The following EFCAB14 variants were observed in gnomAD, a reference collection of about 807,000 sequenced individuals.
EFCAB14 encodes the protein EF-hand calcium binding domain 14.
In EFCAB14, 43 loss-of-function variants were observed where a neutral mutation model predicts 56.5. That is an observed-to-expected ratio of 0.76 (90% CI 0.60 to 0.98). The LOEUF (loss-of-function observed/expected upper bound fraction) is 0.98. EFCAB14 is among the 50% of genes least tolerant of loss of function. The pLI is 0.00. For missense variants in EFCAB14, 538 were observed against 580.3 expected, an observed-to-expected ratio of 0.93 and a Z score of 0.75; for synonymous variants, 235 against 212.9, an observed-to-expected ratio of 1.10 and a Z score of -0.90.
At chr1:46,709,457 T>C (rs1470131696) in intron 2 of EFCAB14, among the ~76,000 whole-genome samples, 1 of 152,176 alleles carries the variant, frequency 6.6e-6, no homozygotes, top group African/African-American at 2.4e-5. Context: ...GCACCTCTTT[T>C]CACTCCAAAT....
intron 8 of EFCAB14, 69 bp from the exon 9 acceptor site, chr1:46,684,671 C>T: frequency 1.6e-6 from 2 of 1,286,078 alleles, no homozygotes; most frequent in East Asian, 4.6e-5. Flanking sequence ...CCACTGTATT[C>T]CCAGAGCCTG....
chr1:46,692,587 G>C (rs114359986), intron 4 of EFCAB14, among the ~76,000 whole-genome samples: 227 of 152,244 alleles, frequency 1.5e-3, no homozygotes, highest in African/African-American at 5.3e-3. Flanking sequence ...CCCACCAGCA[G>C]GGAATGAGAG....
intron 4 of EFCAB14, among the ~76,000 whole-genome samples, chr1:46,692,677 A>T (rs1677011210): frequency 6.6e-6 from 1 of 152,142 alleles, no homozygotes; most frequent in South Asian, 2.1e-4. Context: ...ATTCTAATGG[A>T]AGTGTATATT....
chr1:46,711,905 CA>C (rs1184297129), intron 2 of EFCAB14, among the ~76,000 whole-genome samples: 2 of 152,186 alleles, frequency 1.3e-5, no homozygotes, highest in Non-Finnish European at 2.9e-5. Flanking sequence ...CTAGTATATA[CA>C]AAAGACCCTG....
At chr1:46,709,664 T>C (rs1677279709) in intron 2 of EFCAB14, among the ~76,000 whole-genome samples, 1 of 152,158 alleles carries the variant, frequency 6.6e-6, no homozygotes, top group Non-Finnish European at 1.5e-5. Flanking sequence ...GTTAATGTTA[T>C]ACTATTAAGT....
intron 6 of EFCAB14, among the ~76,000 whole-genome samples, chr1:46,688,972 A>G (rs536442173): frequency 1.3e-5 from 2 of 152,346 alleles, no homozygotes; most frequent in East Asian, 1.9e-4. Context: ...CAAGTAGTGC[A>G]TTGTTTAGTA....
chr1:46,716,227 C>G, intron 2 of EFCAB14, 68 bp downstream of exon 2: 1 of 1,443,962 alleles, frequency 6.9e-7, no homozygotes, highest in African/African-American at 1.6e-5. Flanking sequence ...CCAGCCTAGG[C>G]GACAGAGCAA....
intron 3 of EFCAB14, among the ~76,000 whole-genome samples, chr1:46,703,560 T>C (rs1417362595): frequency 6.6e-6 from 1 of 152,204 alleles, no homozygotes; most frequent in Non-Finnish European, 1.5e-5. Flanking sequence ...GAAGCCTATC[T>C]AACACATGTA....
At chr1:46,713,352 G>A (rs1213695591) in intron 2 of EFCAB14, among the ~76,000 whole-genome samples, 2 of 152,166 alleles carry the variant, frequency 1.3e-5, no homozygotes, top group Admixed American at 6.5e-5. Context: ...AGGGTCCCAG[G>A]GGAATGTGGC....
rs750218475 is a variant in EFCAB14, at chr1:46,716,342, A to AC, written c.286dup (p.Val96GlyfsTer20). ...GGCATCCAGATCCTCCTTGAGAGCA[A>AC]CCTGCATCCACACCAAGCCAACACA... is the stretch of plus-strand genomic sequence containing the variant. On this transcript the variant is annotated frameshift_variant, in exon 2 of 11. Transcript: ENST00000371933. LOFTEE classifies it high-confidence loss of function. The AC allele has an allele frequency of 3.7e-6, 6 of 1,613,302 alleles. No individual in the cohort carries two copies.
At chr1:46,695,064 A>C (rs1311787465) in intron 4 of EFCAB14, among the ~76,000 whole-genome samples, 9 of 117,354 alleles carry the variant, frequency 7.7e-5, no homozygotes, top group East Asian at 2.9e-4. Flanking sequence ...AACATCACAC[A>C]CCGGGGCCTG....
At chr1:46,707,358 C>T (rs1453031915) in intron 3 of EFCAB14, among the ~76,000 whole-genome samples, 2 of 152,140 alleles carry the variant, frequency 1.3e-5, no homozygotes, top group Admixed American at 6.5e-5. Flanking sequence ...CTGGCAGAGT[C>T]CCACTTCTGG....
intron 10 of EFCAB14, among the ~76,000 whole-genome samples, chr1:46,679,523 G>A (rs1328854624): frequency 6.8e-6 from 1 of 146,802 alleles, no homozygotes; most frequent in Non-Finnish European, 1.5e-5. Flanking sequence ...GGCTGGTCTT[G>A]AACTCCTGAC....
intron 3 of EFCAB14, 62 bp downstream of exon 3, chr1:46,707,844 T>C: frequency 6.5e-7 from 1 of 1,538,640 alleles, no homozygotes; most frequent in African/African-American, 1.4e-5. Flanking sequence ...CTATATCCTA[T>C]TCATACTAAA....
intron 4 of EFCAB14, among the ~76,000 whole-genome samples, chr1:46,693,606 T>C (rs931821414): frequency 2.6e-5 from 4 of 152,238 alleles, no homozygotes; most frequent in African/African-American, 7.2e-5. Context: ...CAAAGACACC[T>C]ACTGTTTGTG....
rs571942354 is a variant in EFCAB14, at chr1:46,708,233, T to A, written c.335-182A>T. Among the ~76,000 whole-genome samples, 39 of 152,340 alleles carry A rather than the reference T, an allele frequency of 2.6e-4. 2 individuals carry two copies. In the Middle Eastern group the frequency reaches 0.024, roughly 93 times the overall value. ...AGCTCCCATTTTAACTGGGGCTATT[T>A]CACTGCTGGCAATGCAACTTTTAAA... On this transcript the variant is annotated intron_variant, in intron 2 of 10. Transcript: ENST00000371933.
In EFCAB14 at chr1:46,718,815, A is replaced by T. The variant is rs1466310285; in HGVS notation, c.-728T>A. The T allele has an allele frequency of 1.3e-5, 2 of 152,284 alleles. No individual in the cohort carries two copies. Among genetic ancestry groups the T allele is most frequent in the African/African-American group, 2.4e-5 (1 of 41,460 alleles). 9.4% of individuals were successfully genotyped at this position (152,284 alleles called of 1,614,324 possible). ...CCGGCTAGAAGGGTCGGCCTGAGAG[A>T]AGCCAGTCCCGCGCCTGATAGACCC... On this transcript the variant is annotated 5_prime_UTR_variant, in exon 1 of 11. Coordinates refer to ENST00000371933, the MANE Select transcript of EFCAB14 (RefSeq NM_014774.3).
chr1:46,703,179 A>G (rs1449633823), intron 3 of EFCAB14, among the ~76,000 whole-genome samples: 6 of 151,374 alleles, frequency 4.0e-5, no homozygotes, highest in Non-Finnish European at 8.8e-5. Flanking sequence ...GCACGATCTC[A>G]GCTCACTGCA....
chr1:46,695,363 C>T (rs546880520), intron 4 of EFCAB14, among the ~76,000 whole-genome samples: 1 of 147,898 alleles, frequency 6.8e-6, no homozygotes, highest in East Asian at 2.3e-4. Context: ...TTGTCCCTAC[C>T]CCTTTTTTTT....
Sources: gnomAD v4.1 joint callset for allele counts (sites outside exome capture counted in the v4.1 genomes callset) on GRCh38, gnomAD v4.1.1 for gene constraint, MANE v1.5 for transcripts, NCBI Gene and HGNC (gene_info 2026-07-23, HGNC 2026-07-21) for gene names.